Variants in LRRC8C observed in about 807,000 individuals in gnomAD.
LRRC8C encodes the protein volume-regulated anion channel subunit LRRC8C.
A neutral mutation model predicts 55.3 loss-of-function variants in LRRC8C; 20 were observed. That is an observed-to-expected ratio of 0.36 (90% confidence interval 0.25 to 0.53). The LOEUF (loss-of-function observed/expected upper bound fraction) is 0.53. Among genes scored for constraint, LRRC8C ranks in the 20% least tolerant of loss-of-function variants. LRRC8C has a pLI of 0.92. For synonymous variants in LRRC8C, 376 were observed against 360.7 expected (o/e 1.04, Z -0.48); for missense variants, 659 against 951.4 (o/e 0.69, Z 4.04).
At position 89,682,669 on chromosome 1, in the gene LRRC8C, TC is replaced by T. The variant is rs1657752130; in HGVS notation, c.-4-3800del. ...GACTGTGCTGAAGGGATTGTGTTCT[TC>T]ACTGGTACACACTTGAAATTAAAAA... On this transcript the variant is annotated intron_variant, in intron 1 of 2. Transcript: ENST00000370454. Among the ~76,000 whole-genome samples, 9 of 152,368 alleles carry T rather than the reference TC, an allele frequency of 5.9e-5. No homozygotes were observed. The South Asian group carries it at 1.9e-3, about 32-fold the overall frequency.
At chr1:89,695,655 A>G (rs1466080461) in intron 2 of LRRC8C, among the ~76,000 whole-genome samples, 1 of 152,232 alleles carries the variant, frequency 6.6e-6, no homozygotes, top group Non-Finnish European at 1.5e-5. Context: ...GCCATCAACT[A>G]TCTCATCATT....
At chr1:89,668,833 G>A (rs6675409) in intron 1 of LRRC8C, among the ~76,000 whole-genome samples, 55,546 of 151,962 alleles carry the variant, frequency 0.37, 10,191 homozygotes, top group African/African-American at 0.42. Context: ...ATGTCTGGCA[G>A]TTAGTAAGCA....
chr1:89,649,721 G>T (rs919773804), intron 1 of LRRC8C, among the ~76,000 whole-genome samples: 1 of 152,096 alleles, frequency 6.6e-6, no homozygotes, highest in Admixed American at 6.5e-5. Context: ...TTTGCCCAGG[G>T]TGGTGGAGGA....
At chr1:89,618,373 G>A in the LRRC8C span, among the ~76,000 whole-genome samples, 1 of 152,158 alleles carries the variant, frequency 6.6e-6, no homozygotes, top group Non-Finnish European at 1.5e-5. Context: ...TGCAGGATTC[G>A]AGTTTAAGTT....
At chr1:89,634,490 T>G (rs538776443) in intron 1 of LRRC8C, among the ~76,000 whole-genome samples, 1 of 152,146 alleles carries the variant, frequency 6.6e-6, no homozygotes, top group African/African-American at 2.4e-5. Context: ...CCGACAGGTA[T>G]GTGATGGTTT....
chr1:89,694,421 G>A (rs1321217396), intron 2 of LRRC8C, among the ~76,000 whole-genome samples: 1 of 151,914 alleles, frequency 6.6e-6, no homozygotes, highest in African/African-American at 2.4e-5. Flanking sequence ...TAGCAAACAA[G>A]GACTTTCAGC....
At chr1:89,662,884 A>G (rs1657156528) in intron 1 of LRRC8C, among the ~76,000 whole-genome samples, 2 of 152,170 alleles carry the variant, frequency 1.3e-5, no homozygotes, top group Admixed American at 6.5e-5. Flanking sequence ...CAGGTTTGTT[A>G]CATAGGTATA....
chr1:89,648,936 T>A (rs545281448), intron 1 of LRRC8C, among the ~76,000 whole-genome samples: 1 of 152,352 alleles, frequency 6.6e-6, no homozygotes, highest in East Asian at 1.9e-4. Context: ...TCAAATAATA[T>A]TTCATAGTCT....
At chr1:89,664,939 T>G (rs777125102) in intron 1 of LRRC8C, among the ~76,000 whole-genome samples, 25 of 152,170 alleles carry the variant, frequency 1.6e-4, no homozygotes, top group Non-Finnish European at 3.5e-4. Flanking sequence ...ATTTGGCTGT[T>G]TGTCTATTAT....
intron 1 of LRRC8C, among the ~76,000 whole-genome samples, chr1:89,677,417 A>G (rs1478741111): frequency 1.3e-5 from 2 of 152,190 alleles, no homozygotes; most frequent in African/African-American, 4.8e-5. Context: ...AAATGTGTTA[A>G]TGTTCGTTTA....
chr1:89,677,128 A>G (rs1657573296), intron 1 of LRRC8C, among the ~76,000 whole-genome samples: 1 of 152,244 alleles, frequency 6.6e-6, no homozygotes, highest in Non-Finnish European at 1.5e-5. Flanking sequence ...ATCAGAAACG[A>G]ATAATATCGT....
At chr1:89,709,935 T>C (rs1196489811) in intron 2 of LRRC8C, among the ~76,000 whole-genome samples, 2 of 152,102 alleles carry the variant, frequency 1.3e-5, no homozygotes, top group Admixed American at 6.5e-5. Flanking sequence ...GTGTTTTCAG[T>C]AGAGACGGGG....
In LRRC8C at chr1:89,674,064, A is replaced by G. The variant is rs145441373; in HGVS notation, c.-4-12406A>G. Among the ~76,000 whole-genome samples, 7 of 152,352 alleles carry G rather than the reference A, an allele frequency of 4.6e-5. No homozygotes were observed. The East Asian group carries it at 1.3e-3, about 29-fold the overall frequency. On this transcript the variant is annotated intron_variant, in intron 1 of 2. Coordinates refer to ENST00000370454, the MANE Select transcript of LRRC8C (RefSeq NM_032270.5). Reference sequence around the variant, plus strand: ...TTTGTGATGACTTTTCAGGATCTACATAGACTGTTGGCCTTTGCTATCATG... The same window carrying G: ...TTTGTGATGACTTTTCAGGATCTACGTAGACTGTTGGCCTTTGCTATCATG...
At chr1:89,633,982 A>G (rs902258703) in intron 1 of LRRC8C, among the ~76,000 whole-genome samples, 2 of 152,098 alleles carry the variant, frequency 1.3e-5, no homozygotes, top group South Asian at 4.1e-4. Flanking sequence ...GTTCCCACCA[A>G]TGAGATGATT....
At chr1:89,674,854 G>C (rs1358212190) in intron 1 of LRRC8C, among the ~76,000 whole-genome samples, 1 of 152,158 alleles carries the variant, frequency 6.6e-6, no homozygotes, top group African/African-American at 2.4e-5. Context: ...AGATAAAAAT[G>C]ATCATACTCT....
intron 1 of LRRC8C, among the ~76,000 whole-genome samples, chr1:89,636,061 TTCGGACTCTGCCG>T (rs1656272483): frequency 1.3e-5 from 2 of 152,332 alleles, no homozygotes; most frequent in South Asian, 4.2e-4. Context: ...TGCTGTCAAA[TTCGGACTCTGCCG>T]TGCAGTAGGA....
intron 1 of LRRC8C, among the ~76,000 whole-genome samples, chr1:89,661,870 G>A (rs1475915037): frequency 7.3e-6 from 1 of 136,382 alleles, no homozygotes; most frequent in South Asian, 2.2e-4. Flanking sequence ...GAGGGTGAAG[G>A]CTTGGACCAG....
intron 1 of LRRC8C, among the ~76,000 whole-genome samples, chr1:89,671,873 A>C (rs1316374816): frequency 6.6e-6 from 1 of 152,158 alleles, no homozygotes; most frequent in Non-Finnish European, 1.5e-5. Context: ...GTAGATTTTC[A>C]CACATACCGT....
At chr1:89,643,239 A>G (rs1438689300) in intron 1 of LRRC8C, among the ~76,000 whole-genome samples, 1 of 152,120 alleles carries the variant, frequency 6.6e-6, no homozygotes, top group African/African-American at 2.4e-5. Flanking sequence ...GCACAGGCAC[A>G]CGCCACCACA....
Sources: gnomAD v4.1 joint callset for allele counts (sites outside exome capture counted in the v4.1 genomes callset) on GRCh38, gnomAD v4.1.1 for gene constraint, MANE v1.5 for transcripts, NCBI Gene and HGNC (gene_info 2026-07-23, HGNC 2026-07-21) for gene names.